The following PATJ variants were observed in gnomAD, a reference collection of about 807,000 sequenced individuals.
The protein encoded by PATJ is inaD-like protein.
Under a neutral mutation model 224.9 loss-of-function variants are expected in PATJ, and 190 were observed. That is an observed-to-expected ratio of 0.84 (90% CI 0.75 to 0.95). The LOEUF is 0.95. Ranked by LOEUF, PATJ falls within the 40% of genes least tolerant of loss-of-function variation. The pLI is 0.00. For missense variants in PATJ, 2,121 were observed against 2,270.3 expected (o/e 0.93, Z 1.34); for synonymous variants, 769 against 820.3 (o/e 0.94, Z 1.07).
intron 20 of PATJ, among the ~76,000 whole-genome samples, chr1:61,866,398 AT>A (rs1325624032): frequency 6.6e-6 from 1 of 151,960 alleles, no homozygotes; most frequent in Non-Finnish European, 1.5e-5. Context: ...GAGATGTTAA[AT>A]TTTTTTTGCC....
At chr1:61,942,115 C>G (rs1677906017) in intron 27 of PATJ, among the ~76,000 whole-genome samples, 1 of 152,076 alleles carries the variant, frequency 6.6e-6, no homozygotes. Context: ...AAGGTCAAAG[C>G]TGAACTTTGC....
intron 27 of PATJ, among the ~76,000 whole-genome samples, chr1:61,948,257 A>G (rs1328363803): frequency 1.3e-5 from 2 of 152,238 alleles, no homozygotes; most frequent in Admixed American, 1.3e-4. Flanking sequence ...AAAAGAAACT[A>G]CCATCAGAGT....
chr1:61,969,874 A>C (rs1241290935), intron 27 of PATJ, among the ~76,000 whole-genome samples: 2 of 151,872 alleles, frequency 1.3e-5, no homozygotes, highest in African/African-American at 4.8e-5. Context: ...TGGTATTTTT[A>C]GTAGAGATGG....
At chr1:61,951,304 A>T (rs1294244694) in intron 27 of PATJ, among the ~76,000 whole-genome samples, 4 of 152,148 alleles carry the variant, frequency 2.6e-5, no homozygotes, top group African/African-American at 9.7e-5. Flanking sequence ...TCAGCGCTTG[A>T]TATAATTTGG....
chr1:61,928,545 T>C (rs1571337598), intron 27 of PATJ, among the ~76,000 whole-genome samples: 1 of 152,236 alleles, frequency 6.6e-6, no homozygotes, highest in East Asian at 1.9e-4. Flanking sequence ...TTCTACAATA[T>C]AGAAAAGGAA....
chr1:61,852,832 A>G (rs572431342), intron 17 of PATJ, among the ~76,000 whole-genome samples: 1 of 152,154 alleles, frequency 6.6e-6, no homozygotes. Context: ...CTGTTTTTCC[A>G]TAGGGTGGCT....
intron 31 of PATJ, among the ~76,000 whole-genome samples, chr1:62,073,755 T>C (rs1034173234): frequency 1.3e-5 from 2 of 152,194 alleles, no homozygotes; most frequent in African/African-American, 4.8e-5. Flanking sequence ...CTCAGGTAGC[T>C]GAGGCAGAAG....
intron 17 of PATJ, among the ~76,000 whole-genome samples, chr1:61,843,678 C>CCA (rs1446232262): frequency 1.3e-5 from 2 of 150,846 alleles, no homozygotes; most frequent in Non-Finnish European, 2.9e-5. Context: ...TGCGATCACA[C>CCA]CACTGCACTT....
At chr1:62,024,784 T>C (rs1647513380) in intron 29 of PATJ, among the ~76,000 whole-genome samples, 1 of 151,964 alleles carries the variant, frequency 6.6e-6, no homozygotes, top group Non-Finnish European at 1.5e-5. Flanking sequence ...TTTCTCTCAC[T>C]GCCAAAGTGT....
chr1:61,787,480 A>C (rs1397591598), intron 7 of PATJ, among the ~76,000 whole-genome samples: 2 of 151,692 alleles, frequency 1.3e-5, no homozygotes, highest in African/African-American at 4.8e-5. Flanking sequence ...TTAACACCCA[A>C]CTCTAGGCCA....
intron 28 of PATJ, among the ~76,000 whole-genome samples, chr1:62,014,872 A>G (rs889437731): frequency 3.3e-5 from 5 of 152,198 alleles, no homozygotes; most frequent in Non-Finnish European, 4.4e-5. Flanking sequence ...TGGCCACTGC[A>G]TGATTTCTTT....
intron 30 of PATJ, among the ~76,000 whole-genome samples, chr1:62,049,639 A>G (rs1174307815): frequency 1.3e-5 from 2 of 152,232 alleles, no homozygotes; most frequent in Admixed American, 1.3e-4. Flanking sequence ...GTTAACTATA[A>G]CATTTAATAT....
chr1:61,999,982 G>A (rs1453257339), intron 28 of PATJ, among the ~76,000 whole-genome samples: 1 of 151,918 alleles, frequency 6.6e-6, no homozygotes, highest in Admixed American at 6.6e-5. Context: ...CCAGGTTCAA[G>A]CAATTCTCCT....
rs552191300 is a variant in PATJ, at chr1:62,123,099, G to A, written c.5043+41G>A. On this transcript the variant is annotated intron_variant, in intron 39 of 43. Coordinates refer to ENST00000642238, the MANE Select transcript of PATJ (RefSeq NM_001350145.3). ...TGCTGTATGTATTTTTCTGGTTTGT[G>A]TTGGATTTGCACTAAATGTACATTT... The A allele has an allele frequency of 6.2e-6, 9 of 1,448,974 alleles. No homozygotes were observed. In the East Asian group the frequency reaches 1.8e-4, roughly 30 times the overall value. 89.8% of individuals were successfully genotyped at this position (1,448,974 alleles called of 1,614,324 possible). A position where few individuals can be genotyped will look rare whatever the true frequency, so the allele number is the denominator to read the frequency against.
chr1:62,033,164 A>G (rs1202399425), intron 29 of PATJ, among the ~76,000 whole-genome samples: 1 of 152,192 alleles, frequency 6.6e-6, no homozygotes, highest in Non-Finnish European at 1.5e-5. Context: ...TTCTTCACTA[A>G]TTGCTAATAT....
intron 17 of PATJ, among the ~76,000 whole-genome samples, chr1:61,841,446 G>A (rs984296388): frequency 2.6e-5 from 4 of 152,100 alleles, no homozygotes; most frequent in South Asian, 4.1e-4. Context: ...ATATAGAGTG[G>A]TAACACTATA....
chr1:62,065,881 C>T (rs540578030), intron 31 of PATJ, among the ~76,000 whole-genome samples: 1 of 152,214 alleles, frequency 6.6e-6, no homozygotes, highest in Non-Finnish European at 1.5e-5. Context: ...TCCCACTGCT[C>T]CTCAGAAACA....
intron 27 of PATJ, among the ~76,000 whole-genome samples, chr1:61,943,782 C>T (rs1330034144): frequency 6.6e-6 from 1 of 152,198 alleles, no homozygotes. Flanking sequence ...AGACAGACTG[C>T]CTCCTCAAGT....
At chr1:61,776,341 A>C (rs758728394) in intron 7 of PATJ, among the ~76,000 whole-genome samples, 17 of 152,242 alleles carry the variant, frequency 1.1e-4, no homozygotes, top group Non-Finnish European at 1.9e-4. Flanking sequence ...TAACATTTGT[A>C]CTGATGGTAC....
Sources: gnomAD v4.1 joint callset for allele counts (sites outside exome capture counted in the v4.1 genomes callset) on GRCh38, gnomAD v4.1.1 for gene constraint, MANE v1.5 for transcripts, NCBI Gene and HGNC (gene_info 2026-07-23, HGNC 2026-07-21) for gene names.